Variants in GLIS3 observed in about 807,000 individuals in gnomAD.
GLIS3 encodes the protein GLIS family zinc finger 3, also known as zinc finger protein GLIS3.
Under a neutral mutation model 78.6 loss-of-function variants are expected in GLIS3, and 53 were observed. The observed-to-expected ratio is 0.67, with a 90% confidence interval of 0.54 to 0.85. GLIS3 has a LOEUF of 0.85. GLIS3 is among the 40% of genes least tolerant of loss of function. GLIS3 has a pLI of 0.00. For synonymous variants in GLIS3, 684 were observed against 509.9 expected, an observed-to-expected ratio of 1.34 and a Z score of -4.60; for missense variants, 1,703 against 1,231.1, an observed-to-expected ratio of 1.38 and a Z score of -5.74.
chr9:4,173,046 AG>A (rs1254314359), intron 2 of GLIS3, among the ~76,000 whole-genome samples: 1 of 152,194 alleles, frequency 6.6e-6, no homozygotes, highest in Non-Finnish European at 1.5e-5. Flanking sequence ...GACTTAAGAA[AG>A]CACAGCTGTG....
chr9:4,429,207 C>T, the GLIS3 span, among the ~76,000 whole-genome samples: 1 of 152,068 alleles, frequency 6.6e-6, no homozygotes, highest in East Asian at 1.9e-4. Context: ...CATGTTGCAC[C>T]TACCCCTCGC....
chr9:4,014,296 A>T (rs1250263975), intron 4 of GLIS3, among the ~76,000 whole-genome samples: 1 of 152,158 alleles, frequency 6.6e-6, no homozygotes, highest in African/African-American at 2.4e-5. Flanking sequence ...TAGAAATTGT[A>T]CTGGGCTAAA....
chr9:4,063,717 T>C (rs1451643833), intron 4 of GLIS3, among the ~76,000 whole-genome samples: 1 of 152,160 alleles, frequency 6.6e-6, no homozygotes, highest in Non-Finnish European at 1.5e-5. Flanking sequence ...AAGGATTACC[T>C]AGAACATCTT....
At chr9:4,338,540 G>C (rs1452492492) in intron 2 of GLIS3, among the ~76,000 whole-genome samples, 1 of 152,064 alleles carries the variant, frequency 6.6e-6, no homozygotes, top group Non-Finnish European at 1.5e-5. Context: ...TGACTGTATA[G>C]GGCCCCAAAC....
At chr9:4,270,748 G>T (rs376258650) in intron 2 of GLIS3, among the ~76,000 whole-genome samples, 3 of 152,306 alleles carry the variant, frequency 2.0e-5, no homozygotes, top group African/African-American at 7.2e-5. Context: ...GTCTCCTTCT[G>T]CCTTCAGCCT....
chr9:4,058,660 T>C (rs1177871748), intron 4 of GLIS3, among the ~76,000 whole-genome samples: 1 of 152,154 alleles, frequency 6.6e-6, no homozygotes, highest in Non-Finnish European at 1.5e-5. Context: ...TCTTATGTCT[T>C]ATAACTGACT....
intron 2 of GLIS3, among the ~76,000 whole-genome samples, chr9:4,336,377 C>G (rs1027078369): frequency 6.6e-6 from 1 of 152,154 alleles, no homozygotes; most frequent in Non-Finnish European, 1.5e-5. Flanking sequence ...AGGGCCAAAG[C>G]CACCAGGCCA....
chr9:4,126,460 T>C (rs1230904916), intron 2 of GLIS3, among the ~76,000 whole-genome samples: 3 of 148,874 alleles, frequency 2.0e-5, no homozygotes, highest in African/African-American at 2.5e-5. Context: ...TCTCAACACA[T>C]TGTCATTGGA....
At chr9:4,488,521 TCTC>T in the GLIS3 span, among the ~76,000 whole-genome samples, 6 of 123,064 alleles carry the variant, frequency 4.9e-5, no homozygotes, top group East Asian at 1.1e-3. Flanking sequence ...GCACGCTCTC[TCTC>T]TTTTTTTTTT....
the GLIS3 span, among the ~76,000 whole-genome samples, chr9:4,443,552 T>C: frequency 2.6e-5 from 4 of 152,186 alleles, no homozygotes. Context: ...GTGTCACCCA[T>C]TTAAGGAGAC....
the GLIS3 span, among the ~76,000 whole-genome samples, chr9:4,406,576 C>G: frequency 2.0e-5 from 3 of 152,154 alleles, no homozygotes; most frequent in Non-Finnish European, 4.4e-5. Context: ...CATCAAAAAA[C>G]TATTTGAACT....
intron 7 of GLIS3, among the ~76,000 whole-genome samples, chr9:3,888,146 C>T (rs1054138729): frequency 1.3e-5 from 2 of 152,036 alleles, no homozygotes; most frequent in Non-Finnish European, 1.5e-5. Context: ...AGGAGAAAGA[C>T]GGGGTAGACG....
At chr9:4,165,773 C>T (rs1365690485) in intron 2 of GLIS3, among the ~76,000 whole-genome samples, 1 of 152,192 alleles carries the variant, frequency 6.6e-6, no homozygotes, top group African/African-American at 2.4e-5. Context: ...GGGGCTAGAA[C>T]AAGTTTCTGG....
chr9:4,105,268 C>T (rs1460589534), intron 4 of GLIS3, among the ~76,000 whole-genome samples: 4 of 152,136 alleles, frequency 2.6e-5, no homozygotes, highest in South Asian at 2.1e-4. Context: ...AAATTATCCC[C>T]CATTGGAGAC....
chr9:4,354,352 G>A, the GLIS3 span, among the ~76,000 whole-genome samples: 1 of 152,164 alleles, frequency 6.6e-6, no homozygotes, highest in Non-Finnish European at 1.5e-5. Context: ...CATGCCATAT[G>A]GATGAGGGTA....
chr9:4,058,258 TTTTA>T (rs1484500634), intron 4 of GLIS3, among the ~76,000 whole-genome samples: 1 of 152,152 alleles, frequency 6.6e-6, no homozygotes, highest in Non-Finnish European at 1.5e-5. Context: ...TGGCTTTGCT[TTTTA>T]TTTGTTTGCC....
intron 4 of GLIS3, among the ~76,000 whole-genome samples, chr9:4,090,546 T>A (rs931389733): frequency 6.6e-6 from 1 of 152,008 alleles, no homozygotes. Flanking sequence ...CCAAGTCCAC[T>A]GAACACATAG....
chr9:4,212,618 C>A (rs188026726), intron 2 of GLIS3, among the ~76,000 whole-genome samples: 4 of 152,226 alleles, frequency 2.6e-5, no homozygotes, highest in Admixed American at 2.0e-4. Context: ...TCCTGAAAAA[C>A]TAACTTTTAG....
chr9:4,193,825 C>G (rs1818551677), intron 2 of GLIS3, among the ~76,000 whole-genome samples: 1 of 152,202 alleles, frequency 6.6e-6, no homozygotes, highest in African/African-American at 2.4e-5. Context: ...CATTTTACCT[C>G]TGCACATTAT....
Sources: gnomAD v4.1 joint callset for allele counts (sites outside exome capture counted in the v4.1 genomes callset) on GRCh38, gnomAD v4.1.1 for gene constraint, MANE v1.5 for transcripts, NCBI Gene and HGNC (gene_info 2026-07-23, HGNC 2026-07-21) for gene names.